Variants in PCF11 observed in about 807,000 individuals in gnomAD.
PCF11 encodes the protein pre-mRNA cleavage complex 2 protein Pcf11.
Under a neutral mutation model 166.1 loss-of-function variants are expected in PCF11, and 19 were observed. The ratio of observed to expected loss-of-function variants is 0.11; its 90% CI spans 0.08 to 0.17. PCF11 has a LOEUF of 0.17. PCF11 is among the 10% of genes least tolerant of loss of function. PCF11 has a pLI of 1.00. For synonymous variants in PCF11, 663 were observed against 644.1 expected, an observed-to-expected ratio of 1.03 and a Z score of -0.44; for missense variants, 1,565 against 1,855.5, an observed-to-expected ratio of 0.84 and a Z score of 2.88.
At chr11:83,157,879 T>A in intron 1 of PCF11, 1 of 542,804 alleles carries the variant, frequency 1.8e-6, no homozygotes, top group Non-Finnish European at 3.3e-6. Flanking sequence ...GGCCACCGCA[T>A]TGTATATCCC....
chr11:83,181,137 T>C (rs1426557874), exon 12 of PCF11: 2 of 1,611,240 alleles, frequency 1.2e-6, no homozygotes, highest in Non-Finnish European at 1.7e-6. Context: ...AAAATAGAAC[T>C]GAAAAGGATG....
intron 8 of PCF11, chr11:83,171,318 G>A: frequency 2.2e-6 from 1 of 454,982 alleles, no homozygotes; most frequent in Non-Finnish European, 4.4e-6. Context: ...ATGCTAATTA[G>A]AACAGGCTTT....
At chr11:83,157,331 C>T in exon 1 of PCF11, 3 of 1,015,886 alleles carry the variant, frequency 3.0e-6, no homozygotes, top group African/African-American at 1.6e-5. Flanking sequence ...GTGGTGAAGC[C>T]GGAGCCGCGA....
chr11:83,180,651 G>A (rs1861055729), intron 11 of PCF11: 1 of 158,326 alleles, frequency 6.3e-6, no homozygotes, highest in South Asian at 2.0e-4. Context: ...GATCTAGAGA[G>A]GTGAAATTTA....
chr11:83,165,748 C>T, exon 5 of PCF11: 1 of 1,613,566 alleles, frequency 6.2e-7, no homozygotes, highest in Non-Finnish European at 8.5e-7. Flanking sequence ...CCAGGACCAT[C>T]CTTACAAATT....
At chr11:83,161,115 GT>G (rs541871003) in intron 1 of PCF11, among the ~76,000 whole-genome samples, 96 of 152,268 alleles carry the variant, frequency 6.3e-4, no homozygotes, top group African/African-American at 2.1e-3. Context: ...TACAGCTGTT[GT>G]TCATCCTGGT....
chr11:83,169,634 A>C, exon 8 of PCF11: 1 of 1,614,026 alleles, frequency 6.2e-7, no homozygotes, highest in Non-Finnish European at 8.5e-7. Flanking sequence ...CCACAACATC[A>C]GCAAGCATCA....
At chr11:83,159,418 C>T (rs1307234245) in intron 1 of PCF11, among the ~76,000 whole-genome samples, 1 of 152,046 alleles carries the variant, frequency 6.6e-6, no homozygotes, top group African/African-American at 2.4e-5. Context: ...TTCCACAGCG[C>T]CTAATATTTA....
chr11:83,158,673 C>T (rs1860106109), intron 1 of PCF11: 1 of 152,130 alleles, frequency 6.6e-6, no homozygotes, highest in Admixed American at 6.5e-5. Flanking sequence ...TTAGTTTTTT[C>T]TAGTTGTTAG....
chr11:83,157,433 C>T (rs1860033555), exon 1 of PCF11: 4 of 1,605,576 alleles, frequency 2.5e-6, no homozygotes, highest in African/African-American at 1.3e-5. Context: ...AGGGGGGCCG[C>T]GGCGCAATGT....
At chr11:83,170,638 T>G (rs1334695518) in intron 8 of PCF11, among the ~76,000 whole-genome samples, 4 of 152,214 alleles carry the variant, frequency 2.6e-5, no homozygotes, top group Non-Finnish European at 5.9e-5. Flanking sequence ...AAATGCATAC[T>G]GAGACAACTT....
chr11:83,165,978 G>A (rs1465707594), exon 5 of PCF11: 1 of 1,599,186 alleles, frequency 6.3e-7, no homozygotes, highest in Non-Finnish European at 8.5e-7. Context: ...TGACCAATTA[G>A]ATTCTAAATC....
chr11:83,171,982 G>C (rs1565157936), intron 9 of PCF11, 68 bp downstream of exon 9: 7 of 782,476 alleles, frequency 8.9e-6, no homozygotes, highest in African/African-American at 1.7e-5. Context: ...AGCTAACTTT[G>C]TGAATTTTAG....
At chr11:83,160,810 A>G (rs958051654) in intron 1 of PCF11, among the ~76,000 whole-genome samples, 10 of 152,102 alleles carry the variant, frequency 6.6e-5, no homozygotes. Context: ...AAGTGTTTTT[A>G]ATTTTTGTTC....
intron 5 of PCF11, among the ~76,000 whole-genome samples, 200 bp downstream of exon 5, chr11:83,166,914 A>G (rs1243198289): frequency 6.6e-6 from 1 of 152,212 alleles, no homozygotes; most frequent in Non-Finnish European, 1.5e-5. Flanking sequence ...TAACTAATCT[A>G]CCTAAGGCTG....
Position 83,171,802 on chromosome 11 carries a change from A to C in PCF11, c.3661-16A>C. ...ATATAGAAAGCATGTTCTTAAAATT[A>C]AGGTTTTTCTTAAAGGTTCTGAGTG... On this transcript the variant is annotated splice_polypyrimidine_tract_variant and intron_variant, in intron 8 of 15. Coordinates refer to ENST00000298281, the Ensembl canonical transcript of PCF11. The C allele has an allele frequency of 7.3e-7, 1 of 1,365,606 alleles. No individual in the cohort carries two copies. Among genetic ancestry groups the C allele is most frequent in the Non-Finnish European group, 1.0e-6 (1 of 956,818 alleles). 84.6% of individuals were successfully genotyped at this position (1,365,606 alleles called of 1,614,324 possible).
chr11:83,164,371 G>A, exon 4 of PCF11: 2 of 1,613,328 alleles, frequency 1.2e-6, no homozygotes, highest in Non-Finnish European at 1.7e-6. Flanking sequence ...AAAAGCTGGA[G>A]CTTGAGCTAG....
At chr11:83,157,703 C>G (rs1860046115) in intron 1 of PCF11, 72 bp downstream of exon 1, 7 of 1,367,832 alleles carry the variant, frequency 5.1e-6, no homozygotes, top group South Asian at 1.2e-5. Flanking sequence ...CATCCCAGGT[C>G]TCGCTTCCAT....
exon 16 of PCF11, chr11:83,187,430 A>G (rs1861331616): frequency 6.6e-6 from 1 of 152,226 alleles, no homozygotes; most frequent in Admixed American, 6.5e-5. Context: ...CTGTTGACCT[A>G]AGAACAGCTG....
Sources: gnomAD v4.1 joint callset for allele counts (sites outside exome capture counted in the v4.1 genomes callset) on GRCh38, gnomAD v4.1.1 for gene constraint, MANE v1.5 for transcripts, NCBI Gene and HGNC (gene_info 2026-07-23, HGNC 2026-07-21) for gene names.